GMDS: variants seen among roughly 807,000 people sequenced by gnomAD.
The protein encoded by GMDS is GDP-mannose 4,6 dehydratase.
Under a neutral mutation model 49.9 loss-of-function variants are expected in GMDS, and 20 were observed. That is an observed-to-expected ratio of 0.40 (90% CI 0.28 to 0.58). The LOEUF is 0.58. Among genes scored for constraint, GMDS ranks in the 20% least tolerant of loss-of-function variants. The probability of loss-of-function intolerance (pLI) is 0.42; values close to 1 mark genes in which losing one functional copy is unlikely to be tolerated. For synonymous variants in GMDS, 177 were observed against 178.6 expected (o/e 0.99, Z 0.07); for missense variants, 362 against 481.4 (o/e 0.75, Z 2.32).
chr6:1,927,263 G>A (rs6941280), intron 7 of GMDS, among the ~76,000 whole-genome samples: 11 of 6,834 alleles, frequency 1.6e-3, no homozygotes, highest in Admixed American at 3.0e-3. Context: ...TAGCGTGTTG[G>A]TGTATTTTTA....
intron 2 of GMDS, among the ~76,000 whole-genome samples, chr6:2,119,356 A>G (rs371767338): frequency 6.6e-6 from 1 of 152,350 alleles, no homozygotes; most frequent in East Asian, 1.9e-4. Flanking sequence ...TTACTGTCAC[A>G]TTAAAAATCA....
intron 8 of GMDS, among the ~76,000 whole-genome samples, chr6:1,729,953 A>T (rs1228344015): frequency 1.3e-5 from 2 of 152,286 alleles, no homozygotes; most frequent in Admixed American, 1.3e-4. Context: ...CACATGAGTC[A>T]AGTTTGGGGC....
chr6:1,900,164 C>T (rs945895160), intron 7 of GMDS, among the ~76,000 whole-genome samples: 52 of 152,208 alleles, frequency 3.4e-4, no homozygotes, highest in African/African-American at 1.2e-3. Context: ...AGGCATCGCT[C>T]TGGAGCCTTC....
chr6:1,699,002 G>A (rs1188474559), intron 9 of GMDS, among the ~76,000 whole-genome samples: 1 of 152,054 alleles, frequency 6.6e-6, no homozygotes, highest in African/African-American at 2.4e-5. Flanking sequence ...AAAGCTGAAT[G>A]GGCAGCTCAG....
intron 4 of GMDS, among the ~76,000 whole-genome samples, chr6:2,033,114 C>T (rs1478549457): frequency 1.3e-5 from 2 of 151,994 alleles, no homozygotes; most frequent in Non-Finnish European, 2.9e-5. Flanking sequence ...GTTTCCAATC[C>T]CAGATTATTT....
intron 4 of GMDS, among the ~76,000 whole-genome samples, chr6:2,025,225 A>G (rs1768512856): frequency 6.6e-6 from 1 of 152,060 alleles, no homozygotes; most frequent in South Asian, 2.1e-4. Context: ...TTTTATTTTT[A>G]TTTTGTAAAG....
chr6:2,039,071 G>GTA (rs1275914679), intron 4 of GMDS, among the ~76,000 whole-genome samples: 1 of 152,194 alleles, frequency 6.6e-6, no homozygotes, highest in African/African-American at 2.4e-5. Context: ...AGGCTGTATG[G>GTA]TAGAGCCTAT....
intron 1 of GMDS, among the ~76,000 whole-genome samples, chr6:2,198,205 G>A (rs920537591): frequency 1.2e-4 from 19 of 152,132 alleles, no homozygotes; most frequent in African/African-American, 4.6e-4. Context: ...GGAGCTAAAG[G>A]GTAATTTCCT....
chr6:2,136,647 G>A (rs1776017322), intron 1 of GMDS, among the ~76,000 whole-genome samples: 1 of 152,174 alleles, frequency 6.6e-6, no homozygotes, highest in African/African-American at 2.4e-5. Context: ...TTGTAGTCCA[G>A]AAGGTCAAGG....
intron 4 of GMDS, among the ~76,000 whole-genome samples, chr6:2,055,522 G>A (rs1770728299): frequency 6.6e-6 from 1 of 152,106 alleles, no homozygotes; most frequent in South Asian, 2.1e-4. Context: ...TATTTGTACA[G>A]TCCAGAATCT....
chr6:2,146,403 C>T (rs1210891193), intron 1 of GMDS, among the ~76,000 whole-genome samples: 2 of 152,042 alleles, frequency 1.3e-5, no homozygotes, highest in Non-Finnish European at 2.9e-5. Flanking sequence ...GGAAGACAGT[C>T]GAGTTAACTG....
chr6:2,167,436 C>T (rs1354544382), intron 1 of GMDS, among the ~76,000 whole-genome samples: 1 of 152,144 alleles, frequency 6.6e-6, no homozygotes, highest in African/African-American at 2.4e-5. Flanking sequence ...TTTCATTTCC[C>T]TCTCCAATTC....
intron 7 of GMDS, among the ~76,000 whole-genome samples, chr6:1,802,426 A>T (rs1769988722): frequency 6.6e-6 from 1 of 152,228 alleles, no homozygotes; most frequent in African/African-American, 2.4e-5. Context: ...AAGTATATTT[A>T]AAAAAATGTT....
intron 7 of GMDS, among the ~76,000 whole-genome samples, chr6:1,786,445 G>A (rs1264378482): frequency 1.3e-5 from 2 of 152,326 alleles, no homozygotes; most frequent in Non-Finnish European, 2.9e-5. Flanking sequence ...AGGATGCAAA[G>A]ACTTAAGACA....
At chr6:1,821,008 T>G (rs1770864109) in intron 7 of GMDS, among the ~76,000 whole-genome samples, 1 of 152,176 alleles carries the variant, frequency 6.6e-6, no homozygotes, top group African/African-American at 2.4e-5. Flanking sequence ...CATGTATATT[T>G]TTAAGTTATG....
At chr6:1,850,346 G>A (rs571217213) in intron 7 of GMDS, among the ~76,000 whole-genome samples, 54 of 152,286 alleles carry the variant, frequency 3.5e-4, no homozygotes, top group African/African-American at 1.3e-3. Context: ...GTAGTGAGGC[G>A]CTTCTACACA....
intron 4 of GMDS, among the ~76,000 whole-genome samples, chr6:2,003,564 G>C (rs540090419): frequency 6.6e-6 from 1 of 152,092 alleles, no homozygotes; most frequent in Admixed American, 6.5e-5. Context: ...ATTCCAAAGG[G>C]ATTACCTAGA....
intron 7 of GMDS, among the ~76,000 whole-genome samples, chr6:1,797,006 C>G (rs899142594): frequency 6.6e-6 from 1 of 152,198 alleles, no homozygotes; most frequent in Non-Finnish European, 1.5e-5. Flanking sequence ...TGTGCTCAAG[C>G]AGGGATCCCT....
At chr6:2,174,069 TACA>T (rs1778149765) in intron 1 of GMDS, among the ~76,000 whole-genome samples, 1 of 152,192 alleles carries the variant, frequency 6.6e-6, no homozygotes, top group African/African-American at 2.4e-5. Context: ...ATAGATGAAT[TACA>T]GGCTACGAAC....
Sources: gnomAD v4.1 joint callset for allele counts (sites outside exome capture counted in the v4.1 genomes callset) on GRCh38, gnomAD v4.1.1 for gene constraint, MANE v1.5 for transcripts, NCBI Gene and HGNC (gene_info 2026-07-23, HGNC 2026-07-21) for gene names.